Variants in RRM1 observed in about 807,000 individuals in gnomAD.
The protein encoded by RRM1 is ribonucleotide reductase catalytic subunit M1.
RRM1 carries 19 observed loss-of-function variants against 101.5 expected under a neutral mutation model. That is an observed-to-expected ratio of 0.19 (90% CI 0.13 to 0.27). The LOEUF (loss-of-function observed/expected upper bound fraction) is 0.27. Among genes scored for constraint, RRM1 ranks in the 10% least tolerant of loss-of-function variants. RRM1 has a pLI of 1.00. For synonymous variants in RRM1, 298 were observed against 323.4 expected, an observed-to-expected ratio of 0.92 and a Z score of 0.84; for missense variants, 500 against 962.9, an observed-to-expected ratio of 0.52 and a Z score of 6.36.
At chr11:4,130,066 TTATA>T (rs746526097) in intron 15 of RRM1, among the ~76,000 whole-genome samples, 1 of 32,974 alleles carries the variant, frequency 3.0e-5, no homozygotes, top group African/African-American at 1.0e-4. Context: ...TGTACTGTAT[TTATA>T]TATATATATA....
At chr11:4,112,084 A>T in intron 7 of RRM1, 22 bp downstream of exon 7, 2 of 1,600,896 alleles carry the variant, frequency 1.2e-6, no homozygotes, top group Non-Finnish European at 1.7e-6. Flanking sequence ...GAGTAGGGAA[A>T]TACGCCTTGA....
intron 15 of RRM1, among the ~76,000 whole-genome samples, chr11:4,129,489 C>T (rs2094595377): frequency 1.3e-5 from 2 of 150,156 alleles, no homozygotes; most frequent in Non-Finnish European, 1.5e-5. Flanking sequence ...AAATGTTTTT[C>T]ATTCTTATTT....
intron 1 of RRM1, among the ~76,000 whole-genome samples, chr11:4,099,669 C>T (rs572156857): frequency 1.3e-5 from 2 of 152,174 alleles, no homozygotes; most frequent in Admixed American, 1.3e-4. Context: ...TGGGGCCAAA[C>T]TAAGAAAGGC....
At chr11:4,134,887 GGTTA>G (rs2094606365) in intron 17 of RRM1, among the ~76,000 whole-genome samples, 191 bp from the exon 18 acceptor site, 1 of 152,192 alleles carries the variant, frequency 6.6e-6, no homozygotes, top group African/African-American at 2.4e-5. Flanking sequence ...ATATTTGGTT[GGTTA>G]GATGGGGGTT....
At position 4,094,893 on chromosome 11, in the gene RRM1, CT is replaced by C. The variant is rs1182583569; in HGVS notation, c.-117del. ...GTGCTGTCTGGCTCCAACTCCAGTT[CT>C]TTCCCCTGAGCAGCGCCTGGAACCT... On this transcript the variant is annotated 5_prime_UTR_variant, in exon 1 of 19. Transcript: ENST00000300738. 1.9e-6 allele frequency: 2 copies of C among 1,068,580 alleles called. No homozygotes were observed. Among genetic ancestry groups the C allele is most frequent in the African/African-American group, 1.6e-5 (1 of 63,764 alleles). 66.2% of individuals were successfully genotyped at this position (1,068,580 alleles called of 1,614,324 possible).
chr11:4,121,696 G>A lies in RRM1; in HGVS notation c.969G>A (p.Gln323=), dbSNP rs978035236. 1 of 1,613,780 alleles carries A rather than the reference G, an allele frequency of 6.2e-7. No homozygotes were observed. The highest frequency in any genetic ancestry group is 1.3e-5 in the African/African-American group (1 of 75,042). Residue 323 remains glutamine (Q), a synonymous_variant, in exon 10 of 19, where the codon CAG becomes CAA. Transcript: ENST00000300738. The part of the protein sequence containing the change: ...DLKKNTGKEE[Q]RARDLFFALW... The stretch of plus-strand genomic sequence containing the variant: ...AGAAGAACACAGGAAAGGAAGAGCA[G>A]CGTGCCAGAGATCTTTTCTTTGCTC...
Position 4,111,805 on chromosome 11 carries a change from G to A in RRM1, c.488-95G>A, listed in dbSNP as rs72555777. On this transcript the variant is annotated intron_variant, in intron 6 of 18. Transcript: ENST00000300738. ...TGTTTATTAGTATAAAGTTTTTCTA[G>A]TTTCCTTTTGGTGTCCTTTTCTGAA... The A allele has an allele frequency of 6.1e-3, 7,988 of 1,313,774 alleles. 50 individuals are homozygous for A. Among genetic ancestry groups the A allele is most frequent in the Middle Eastern group, 7.2e-3 (28 of 3,914 alleles). The allele number at this position is 1,313,774 out of a possible 1,614,324, so 81.4% of individuals were successfully genotyped here.
intron 14 of RRM1, among the ~76,000 whole-genome samples, chr11:4,127,670 A>G (rs1439142705): frequency 6.6e-6 from 1 of 152,206 alleles, no homozygotes; most frequent in African/African-American, 2.4e-5. Flanking sequence ...ACTATGAGAG[A>G]ATAAATTTTT....
In RRM1 at chr11:4,138,550, T is replaced by A. The variant is rs1590738978; in HGVS notation, c.*167T>A. ...TTAATGATGATAATGATTTTTTTTT[T>A]AAACTCATATATTGGGATTTTCACC... On this transcript the variant is annotated 3_prime_UTR_variant, in exon 19 of 19. Transcript: ENST00000300738. 5.5e-6 allele frequency: 2 copies of A among 361,736 alleles called. No homozygotes were observed. The highest frequency in any genetic ancestry group is 4.9e-5 in the Admixed American group (1 of 20,548). 22.4% of individuals were successfully genotyped at this position (361,736 alleles called of 1,614,324 possible). A position where few individuals can be genotyped will look rare whatever the true frequency, so the allele number is the denominator to read the frequency against.
chr11:4,111,951 A>T lies in RRM1; in HGVS notation c.539A>T (p.Lys180Ile), dbSNP rs2094566163. 6.2e-7 allele frequency: 1 copy of T among 1,614,034 alleles called. No homozygotes were observed. The highest frequency in any genetic ancestry group is 1.3e-5 in the African/African-American group (1 of 74,936). The change falls in exon 7 of 19, where the codon AAA (lysine) becomes ATA (isoleucine). Residue 180 changes from lysine to isoleucine, a missense_variant. By Grantham distance (102) the Lys-to-Ile change is moderately radical (BLOSUM62 -3). Around this residue, in one of 9 missense-constraint regions of RRM1, gnomAD observed 111 missense variants for 219.8 expected, o/e 0.51. Transcript: ENST00000300738. ...ATGAGAGTATCTGTTGGGATCCACA[A>T]AGAAGACATTGATGCAGCAATTGAA... The part of the protein sequence containing the change: ...MLMRVSVGIH[K>I]EDIDAAIETY...
rs1044612034 is a variant in RRM1 at position 4,106,653 on chromosome 11, C to G, written c.286+430C>G. Among the ~76,000 whole-genome samples the G allele has an allele frequency of 5.3e-5, 8 of 152,100 alleles. No homozygotes were observed. The East Asian group carries it at 1.4e-3, about 26-fold the overall frequency. ...ATCCCAGCTACTGGGGAGGCTGAGG[C>G]AGGAGAATTGCTTGAACCCGGGAGG... On this transcript the variant is annotated intron_variant, in intron 3 of 18. Coordinates refer to ENST00000300738, the MANE Select transcript of RRM1 (RefSeq NM_001033.5).
intron 18 of RRM1, among the ~76,000 whole-genome samples, chr11:4,135,904 T>C (rs1452823484): frequency 6.6e-6 from 1 of 150,818 alleles, no homozygotes; most frequent in Admixed American, 6.7e-5. Flanking sequence ...CTGAGGATAC[T>C]GAATAGAAGA....
chr11:4,125,792 G>C (rs563058413), intron 12 of RRM1, among the ~76,000 whole-genome samples: 38 of 152,156 alleles, frequency 2.5e-4, no homozygotes, highest in African/African-American at 8.4e-4. Flanking sequence ...TTCTTTTCCT[G>C]CCTATTTTTC....
chr11:4,120,422 G>A (rs2094579938), intron 9 of RRM1, among the ~76,000 whole-genome samples: 1 of 151,826 alleles, frequency 6.6e-6, no homozygotes, highest in Admixed American at 6.6e-5. Flanking sequence ...GGAGTGCAAT[G>A]GTGCGATCTT....
intron 7 of RRM1, 88 bp downstream of exon 7, chr11:4,112,150 A>G (rs1315863735): frequency 1.4e-5 from 13 of 934,672 alleles, no homozygotes; most frequent in Non-Finnish European, 2.0e-5. Flanking sequence ...ATGACCTTTT[A>G]GTAGCTGCCT....
At chr11:4,095,111 C>T in intron 1 of RRM1, 80 bp downstream of exon 1, 1 of 1,453,526 alleles carries the variant, frequency 6.9e-7, no homozygotes, top group Admixed American at 2.0e-5. Flanking sequence ...CCAGACCGCC[C>T]GCCCGCCTTC....
At chr11:4,105,798 C>A (rs757194432) in intron 2 of RRM1, 1 of 455,934 alleles carries the variant, frequency 2.2e-6, no homozygotes, top group South Asian at 2.2e-5. Context: ...CTCCTGGACT[C>A]AAGCCATTCT....
intron 5 of RRM1, among the ~76,000 whole-genome samples, chr11:4,109,954 A>G (rs2094563166): frequency 6.6e-6 from 1 of 152,172 alleles, no homozygotes; most frequent in Admixed American, 6.5e-5. Flanking sequence ...AATTACCATA[A>G]GTATTTCATA....
intron 7 of RRM1, among the ~76,000 whole-genome samples, chr11:4,113,516 C>T (rs2094568343): frequency 6.6e-6 from 1 of 152,210 alleles, no homozygotes; most frequent in Non-Finnish European, 1.5e-5. Flanking sequence ...GTTCAATATA[C>T]ATCAATCAGT....
Sources: allele counts gnomAD v4.1 joint callset (sites outside exome capture counted in the v4.1 genomes callset), GRCh38; gene constraint gnomAD v4.1.1; regional missense constraint gnomAD v4.1.1; transcripts MANE v1.5; gene names NCBI Gene and HGNC (gene_info 2026-07-23, HGNC 2026-07-21).